Variants in SOX6 observed in about 807,000 individuals in gnomAD.
SOX6 encodes SRY-box transcription factor 6, also known as transcription factor SOX-6.
In SOX6, 11 loss-of-function variants were observed where a neutral mutation model predicts 97.8. That is an observed-to-expected ratio of 0.11 (90% CI 0.07 to 0.19). The LOEUF (loss-of-function observed/expected upper bound fraction) is 0.19. SOX6 is among the 10% of genes least tolerant of loss of function. The pLI is 1.00. For synonymous variants in SOX6, 360 were observed against 371.4 expected (o/e 0.97, Z 0.35); for missense variants, 810 against 1,039.5 (o/e 0.78, Z 3.04).
At chr11:16,511,280 A>G (rs1246208241) in intron 4 of SOX6, among the ~76,000 whole-genome samples, 1 of 152,136 alleles carries the variant, frequency 6.6e-6, no homozygotes, top group African/African-American at 2.4e-5. Context: ...AAAGTTTACC[A>G]CAGTTTCAGT....
At chr11:16,639,180 C>A (rs1028156070) in intron 3 of SOX6, among the ~76,000 whole-genome samples, 2 of 152,086 alleles carry the variant, frequency 1.3e-5, no homozygotes, top group Admixed American at 1.3e-4. Flanking sequence ...GAATCCTTTC[C>A]CCATTTCTTG....
intron 1 of SOX6, chr11:16,465,659 G>A (rs904720433): frequency 6.6e-6 from 1 of 152,166 alleles, no homozygotes; most frequent in Non-Finnish European, 1.5e-5. Context: ...TATCTACGAT[G>A]TCAGGATAAA....
At chr11:16,093,893 T>C (rs1848742215) in intron 9 of SOX6, among the ~76,000 whole-genome samples, 1 of 151,944 alleles carries the variant, frequency 6.6e-6, no homozygotes. Flanking sequence ...TACTATGCTA[T>C]TCACAGATGT....
intron 13 of SOX6, among the ~76,000 whole-genome samples, chr11:16,013,317 C>T (rs977326435): frequency 6.6e-6 from 1 of 151,996 alleles, no homozygotes; most frequent in Non-Finnish European, 1.5e-5. Context: ...AGTACAATCT[C>T]CCAATAAAAT....
At chr11:16,033,889 A>T (rs895914313) in intron 12 of SOX6, among the ~76,000 whole-genome samples, 3 of 152,128 alleles carry the variant, frequency 2.0e-5, no homozygotes, top group Non-Finnish European at 4.4e-5. Flanking sequence ...AAACAAACAA[A>T]AAATAAATAA....
At position 16,583,616 on chromosome 11, in the gene SOX6, T is replaced by TATATATATATATATATACACACACACAC. The variant is rs1848056191; in HGVS notation, n.609+28464_609+28465insGTGTGTGTGTGTATATATATATATATAT. Reference sequence around the variant, plus strand: ...ATGTATATATGTGTATATATATACATATATATATATATATATATATACACA... The same window carrying TATATATATATATATATACACACACACAC: ...ATGTATATATGTGTATATATATACATATATATATATATATATACACACACACACATATATATATATATATATATACACA... On this transcript the variant is annotated intron_variant and non_coding_transcript_variant, in intron 4 of 5. Transcript: ENST00000524520. 7.6e-5 allele frequency among the ~76,000 whole-genome samples: 4 copies of TATATATATATATATATACACACACACAC among 52,502 alleles called. 1 individual carries two copies. The highest frequency in any genetic ancestry group is 3.2e-4 in the African/African-American group (4 of 12,380). 34.4% of individuals were successfully genotyped at this position (52,502 alleles called of 152,430 possible). A position where few individuals can be genotyped will look rare whatever the true frequency, so the allele number is the denominator to read the frequency against.
At chr11:16,161,320 A>G (rs1254521065) in intron 6 of SOX6, among the ~76,000 whole-genome samples, 3 of 150,884 alleles carry the variant, frequency 2.0e-5, no homozygotes, top group Admixed American at 2.0e-4. Flanking sequence ...AATTTGATAT[A>G]TATATATATA....
chr11:16,182,887 A>G (rs1164755725), intron 6 of SOX6, among the ~76,000 whole-genome samples: 1 of 151,880 alleles, frequency 6.6e-6, no homozygotes, highest in Non-Finnish European at 1.5e-5. Context: ...GCAGTAAACT[A>G]TGACCTCATG....
rs1853230098 is a variant in SOX6 at position 15,969,096 on chromosome 11, G to C, written c.*3713C>G. On this transcript the variant is annotated 3_prime_UTR_variant, in exon 16 of 16. Transcript: ENST00000683767. ...CTATTTTTTTTTTTTTTTTTTTTTG[G>C]GAGAGGATTGCCTGGCAGTGTCCCA... 7.9e-6 allele frequency: 1 copy of C among 126,754 alleles called. No individual in the cohort carries two copies. The highest frequency in any genetic ancestry group is 3.3e-5 in the African/African-American group (1 of 30,334). The allele number at this position is 126,754 out of a possible 1,614,324, so 7.9% of individuals were successfully genotyped here. A position where few individuals can be genotyped will look rare whatever the true frequency, so the allele number is the denominator to read the frequency against.
At chr11:16,716,243 AT>A (rs1848218870) in intron 2 of SOX6, among the ~76,000 whole-genome samples, 1 of 152,184 alleles carries the variant, frequency 6.6e-6, no homozygotes, top group East Asian at 1.9e-4. Flanking sequence ...CTGAAAAAAA[AT>A]AAATAAAAAG....
chr11:16,118,025 A>G (rs1849396921), intron 6 of SOX6, among the ~76,000 whole-genome samples: 1 of 152,216 alleles, frequency 6.6e-6, no homozygotes, highest in Non-Finnish European at 1.5e-5. Flanking sequence ...TTCTTTAATT[A>G]TCCTATAGAT....
intron 4 of SOX6, among the ~76,000 whole-genome samples, chr11:16,500,877 A>C (rs1291841935): frequency 6.6e-6 from 1 of 152,188 alleles, no homozygotes; most frequent in Admixed American, 6.5e-5. Flanking sequence ...GAAAATGGCC[A>C]TACTGCCCAA....
At chr11:16,518,354 C>T (rs567849163) in intron 4 of SOX6, among the ~76,000 whole-genome samples, 5 of 152,300 alleles carry the variant, frequency 3.3e-5, no homozygotes, top group East Asian at 1.9e-4. Context: ...CTCCACGAAG[C>T]CCTCCTGAAA....
chr11:16,710,733 T>G (rs577600455), intron 3 of SOX6, among the ~76,000 whole-genome samples: 1 of 152,334 alleles, frequency 6.6e-6, no homozygotes, highest in South Asian at 2.1e-4. Flanking sequence ...TTGAATACCA[T>G]CCCTTTATTG....
At chr11:16,526,445 G>T (rs983492072) in intron 4 of SOX6, among the ~76,000 whole-genome samples, 12 of 151,574 alleles carry the variant, frequency 7.9e-5, no homozygotes, top group African/African-American at 2.7e-4. Flanking sequence ...AGAACACATG[G>T]ACACAGGAAG....
At chr11:16,385,127 A>G (rs1857942866) in intron 1 of SOX6, among the ~76,000 whole-genome samples, 1 of 152,130 alleles carries the variant, frequency 6.6e-6, no homozygotes, top group South Asian at 2.1e-4. Context: ...GTACAGGGCT[A>G]GTACAGATTT....
At chr11:16,629,453 C>T (rs1302192433) in intron 3 of SOX6, among the ~76,000 whole-genome samples, 1 of 152,170 alleles carries the variant, frequency 6.6e-6, no homozygotes. Context: ...ACCTTTTTAT[C>T]GTGGTGAATT....
At chr11:16,071,578 A>G (rs1590176151) in intron 9 of SOX6, among the ~76,000 whole-genome samples, 1 of 152,054 alleles carries the variant, frequency 6.6e-6, no homozygotes, top group Non-Finnish European at 1.5e-5. Flanking sequence ...ACTCCACTGA[A>G]CCCCACCTCT....
At chr11:16,485,595 G>C (rs1860415065) in intron 4 of SOX6, among the ~76,000 whole-genome samples, 1 of 151,800 alleles carries the variant, frequency 6.6e-6, no homozygotes, top group Admixed American at 6.6e-5. Flanking sequence ...GCTGGGCATG[G>C]TGGCACGTGG....
Sources: allele counts gnomAD v4.1 joint callset (sites outside exome capture counted in the v4.1 genomes callset), GRCh38; gene constraint gnomAD v4.1.1; transcripts MANE v1.5; gene names NCBI Gene and HGNC (gene_info 2026-07-23, HGNC 2026-07-21).